The following PAX5 variants were observed in gnomAD, a reference collection of about 807,000 sequenced individuals.
The protein encoded by PAX5 is paired box protein Pax-5.
In PAX5, 9 loss-of-function variants were observed where a neutral mutation model predicts 43.7. The ratio of observed to expected loss-of-function variants is 0.21; its 90% CI spans 0.12 to 0.36. The LOEUF is 0.36. Ranked by LOEUF, PAX5 falls within the 10% of genes least tolerant of loss-of-function variation. The pLI is 1.00. For synonymous variants in PAX5, 228 were observed against 214.3 expected (o/e 1.06, Z -0.56); for missense variants, 383 against 532.7 (o/e 0.72, Z 2.77).
At chr9:36,977,171 G>A (rs146523523) in intron 5 of PAX5, among the ~76,000 whole-genome samples, 7 of 152,266 alleles carry the variant, frequency 4.6e-5, no homozygotes, top group Admixed American at 1.3e-4. Flanking sequence ...GCGAGACACT[G>A]TTCTAAGCAC....
chr9:36,988,054 G>A (rs1384558900), intron 5 of PAX5, among the ~76,000 whole-genome samples: 1 of 152,180 alleles, frequency 6.6e-6, no homozygotes, highest in Non-Finnish European at 1.5e-5. Context: ...GAGCGGCGGG[G>A]AGCGGGGGAG....
chr9:36,889,946 G>A (rs954364908), intron 7 of PAX5, among the ~76,000 whole-genome samples: 24 of 144,442 alleles, frequency 1.7e-4, no homozygotes, highest in Non-Finnish European at 3.2e-4. Flanking sequence ...ACTAACGGGG[G>A]GGGGGGGAAT....
intron 3 of PAX5, 54 bp from the exon 4 acceptor site, chr9:37,006,591 C>T (rs1838409007): frequency 1.0e-5 from 14 of 1,404,346 alleles, no homozygotes; most frequent in Non-Finnish European, 1.4e-5. Context: ...GGAGAAGAGA[C>T]CTCAACCAGC....
At chr9:36,974,803 G>T (rs186601149) in intron 5 of PAX5, among the ~76,000 whole-genome samples, 3 of 151,910 alleles carry the variant, frequency 2.0e-5, no homozygotes, top group South Asian at 2.1e-4. Context: ...CCCTTCCAAG[G>T]CTCCCCGGGG....
intron 7 of PAX5, among the ~76,000 whole-genome samples, chr9:36,905,213 G>T (rs1828716187): frequency 6.6e-6 from 1 of 152,204 alleles, no homozygotes; most frequent in South Asian, 2.1e-4. Context: ...TCACTTTCCT[G>T]CCGGGGAGGC....
chr9:36,893,780 G>A lies in PAX5; in HGVS notation c.911-11675C>T, dbSNP rs139209937. On this transcript the variant is annotated intron_variant, in intron 7 of 9. Coordinates refer to ENST00000358127, the MANE Select transcript of PAX5 (RefSeq NM_016734.3). ...AAGGATGAGCCGCCCACTTACAGACGTGCAGAGCCTTCGCTACTGTATCGG... is the reference window on the plus strand; with the variant it reads ...AAGGATGAGCCGCCCACTTACAGACATGCAGAGCCTTCGCTACTGTATCGG... 2.9e-3 allele frequency among the ~76,000 whole-genome samples: 445 copies of A among 152,330 alleles called. 1 individual carries two copies. Among genetic ancestry groups the A allele is most frequent in the African/African-American group, 0.01 (419 of 41,574 alleles).
chr9:36,866,616 C>T (rs1431148898), intron 8 of PAX5, among the ~76,000 whole-genome samples: 1 of 152,126 alleles, frequency 6.6e-6, no homozygotes, highest in Non-Finnish European at 1.5e-5. Flanking sequence ...CTTTTTATAC[C>T]AGTTCTGCAC....
chr9:36,956,742 A>T (rs1833516258), intron 6 of PAX5, among the ~76,000 whole-genome samples: 1 of 152,190 alleles, frequency 6.6e-6, no homozygotes, highest in Non-Finnish European at 1.5e-5. Context: ...CTTGGCAGCA[A>T]ATCAAGTGAG....
At chr9:36,863,300 G>A (rs1824411424) in intron 8 of PAX5, among the ~76,000 whole-genome samples, 1 of 152,156 alleles carries the variant, frequency 6.6e-6, no homozygotes, top group Admixed American at 6.5e-5. Context: ...GTCTCACTCT[G>A]TCGCCCAGGC....
intron 7 of PAX5, among the ~76,000 whole-genome samples, chr9:36,888,032 C>A (rs1365889367): frequency 6.6e-6 from 1 of 152,206 alleles, no homozygotes; most frequent in Non-Finnish European, 1.5e-5. Flanking sequence ...AGATGTTCAA[C>A]ATCATTAGCT....
intron 4 of PAX5, chr9:37,002,982 G>T: frequency 5.3e-6 from 3 of 570,772 alleles, no homozygotes; most frequent in Non-Finnish European, 9.1e-6. Flanking sequence ...TCTCTGCGAT[G>T]GGGGGAGAAA....
At chr9:37,027,198 C>T (rs915009787) in intron 1 of PAX5, among the ~76,000 whole-genome samples, 2 of 152,226 alleles carry the variant, frequency 1.3e-5, no homozygotes, top group Non-Finnish European at 2.9e-5. Context: ...ACTTCCTCTC[C>T]GGCAGCGCGG....
chr9:37,033,067 T>C (rs1841146903), intron 1 of PAX5, among the ~76,000 whole-genome samples: 2 of 152,242 alleles, frequency 1.3e-5, no homozygotes, highest in African/African-American at 4.8e-5. Flanking sequence ...TGAAAGTGAA[T>C]GTAGGCTGGG....
intron 7 of PAX5, among the ~76,000 whole-genome samples, chr9:36,892,462 A>G (rs1827485581): frequency 6.6e-6 from 1 of 152,194 alleles, no homozygotes. Flanking sequence ...TACCGCAGCC[A>G]CTCCAGGAGA....
At chr9:36,981,289 G>A (rs1203151873) in intron 5 of PAX5, among the ~76,000 whole-genome samples, 1 of 149,462 alleles carries the variant, frequency 6.7e-6, no homozygotes, top group Non-Finnish European at 1.5e-5. Flanking sequence ...TTTAGTTATT[G>A]TCTTTCTTCC....
intron 8 of PAX5, among the ~76,000 whole-genome samples, chr9:36,854,522 T>C (rs11787659): frequency 0.023 from 3,434 of 152,248 alleles, 55 homozygotes; most frequent in Middle Eastern, 0.044. Context: ...GTCTCAGTTT[T>C]CTCATCTGTA....
intron 7 of PAX5, among the ~76,000 whole-genome samples, chr9:36,901,097 G>T (rs893416190): frequency 2.6e-5 from 4 of 151,984 alleles, no homozygotes. Context: ...GTCTTCCTGC[G>T]AGTCTCATCC....
intron 8 of PAX5, among the ~76,000 whole-genome samples, chr9:36,863,508 G>A (rs1824437695): frequency 6.6e-6 from 1 of 152,216 alleles, no homozygotes; most frequent in African/African-American, 2.4e-5. Context: ...ATGTCATCAT[G>A]CCTTTCACCA....
At chr9:36,842,029 C>A (rs1587723145) in intron 9 of PAX5, among the ~76,000 whole-genome samples, 1 of 152,282 alleles carries the variant, frequency 6.6e-6, no homozygotes, top group East Asian at 1.9e-4. Flanking sequence ...CGATGTGCTG[C>A]TCCCTCCCCA....
Sources: allele counts gnomAD v4.1 joint callset (sites outside exome capture counted in the v4.1 genomes callset), GRCh38; gene constraint gnomAD v4.1.1; transcripts MANE v1.5; gene names NCBI Gene and HGNC (gene_info 2026-07-23, HGNC 2026-07-21).